Variants in MCC observed in about 807,000 individuals in gnomAD.
The protein encoded by MCC is MCC regulator of Wnt signaling pathway, also known as colorectal mutant cancer protein.
In MCC, 90 loss-of-function variants were observed where a neutral mutation model predicts 116.2. The observed-to-expected ratio is 0.77, with a 90% CI of 0.65 to 0.92. The LOEUF is 0.92. MCC is among the 40% of genes least tolerant of loss of function. The probability of loss-of-function intolerance (pLI) is 0.00; values close to 1 mark genes in which losing one functional copy is unlikely to be tolerated. For synonymous variants in MCC, 578 were observed against 510.5 expected (o/e 1.13, Z -1.78); for missense variants, 1,516 against 1,312.2 (o/e 1.16, Z -2.40).
rs559390686 is a variant in MCC at position 113,172,826 on chromosome 5, C to A, written c.628-21404G>T. Among the ~76,000 whole-genome samples, 12 of 152,244 alleles carry A rather than the reference C, an allele frequency of 7.9e-5. No homozygotes were observed. The South Asian group carries it at 2.3e-3, about 29-fold the overall frequency. On this transcript the variant is annotated intron_variant, in intron 3 of 18. Coordinates refer to ENST00000408903, the MANE Select transcript of MCC (RefSeq NM_001085377.2). ...AAAGCTATTGCAATATATATTTCTCCCAGCTGTATCTATTTCACTTTACTC... is the reference window on the plus strand; with the variant it reads ...AAAGCTATTGCAATATATATTTCTCACAGCTGTATCTATTTCACTTTACTC...
chr5:113,329,486 A>ATG (rs557192444), intron 3 of MCC, among the ~76,000 whole-genome samples: 661 of 136,074 alleles, frequency 4.9e-3, no homozygotes, highest in Non-Finnish European at 8.1e-3. Context: ...GTATACACAC[A>ATG]CATATATAAA....
intron 4 of MCC, among the ~76,000 whole-genome samples, chr5:113,150,359 A>T (rs1759779620): frequency 6.6e-6 from 1 of 152,216 alleles, no homozygotes; most frequent in South Asian, 2.1e-4. Context: ...ATACAAAGTT[A>T]TACAAAACAA....
intron 4 of MCC, 124 bp downstream of exon 4, chr5:113,151,185 C>G (rs959673319): frequency 1.6e-6 from 1 of 645,076 alleles, no homozygotes; most frequent in Non-Finnish European, 2.7e-6. Flanking sequence ...CAGACCAAGA[C>G]AGAGTATTTG....
At chr5:113,254,130 C>T (rs757094019) in intron 3 of MCC, among the ~76,000 whole-genome samples, 9 of 152,042 alleles carry the variant, frequency 5.9e-5, no homozygotes, top group South Asian at 2.1e-4. Flanking sequence ...ATCAAAGGTA[C>T]GAGGGTCAGT....
intron 3 of MCC, among the ~76,000 whole-genome samples, chr5:113,199,954 C>T (rs1488252659): frequency 2.0e-5 from 3 of 152,034 alleles, no homozygotes; most frequent in East Asian, 1.9e-4. Context: ...CCAAGCAACA[C>T]ATATGGGTAT....
rs556585719 is a variant in MCC, at chr5:113,095,718, C to G, written c.1398+6021G>C. The stretch of plus-strand genomic sequence containing the variant: ...AAAAAAAATTTTTTTTTTGGTAGAA[C>G]AGAGGTCTTGCTATGTTACCCAGGC... On this transcript the variant is annotated intron_variant, in intron 8 of 18. Transcript: ENST00000408903. 7.3e-5 allele frequency among the ~76,000 whole-genome samples: 11 copies of G among 151,624 alleles called. No homozygotes were observed. In the South Asian group the frequency reaches 2.1e-3, roughly 29 times the overall value.
intron 3 of MCC, among the ~76,000 whole-genome samples, chr5:113,257,216 G>A (rs1351153665): frequency 2.6e-5 from 4 of 152,114 alleles, no homozygotes; most frequent in African/African-American, 9.7e-5. Context: ...TACCACTTCT[G>A]GTCATCCTGG....
chr5:113,237,506 C>A (rs775978917), intron 3 of MCC, among the ~76,000 whole-genome samples: 4 of 152,076 alleles, frequency 2.6e-5, no homozygotes, highest in Non-Finnish European at 5.9e-5. Flanking sequence ...AGAATTGGTG[C>A]CTCTGGGATT....
At chr5:113,195,455 G>C (rs1032827895) in intron 3 of MCC, among the ~76,000 whole-genome samples, 1 of 151,660 alleles carries the variant, frequency 6.6e-6, no homozygotes, top group Non-Finnish European at 1.5e-5. Flanking sequence ...TCATCTCTTC[G>C]TATGACAGGC....
intron 3 of MCC, among the ~76,000 whole-genome samples, chr5:113,290,113 T>C (rs1766425161): frequency 6.6e-6 from 1 of 152,244 alleles, no homozygotes; most frequent in Non-Finnish European, 1.5e-5. Flanking sequence ...ACAACTTTCT[T>C]CTATACAATT....
intron 5 of MCC, among the ~76,000 whole-genome samples, chr5:113,132,455 C>T (rs796750199): frequency 0.79 from 105,296 of 132,594 alleles, 43,316 homozygotes; most frequent in South Asian, 0.9. Context: ...CACACACACA[C>T]ACACACACAC....
chr5:113,276,962 G>T (rs990958024), intron 3 of MCC, among the ~76,000 whole-genome samples: 18 of 151,800 alleles, frequency 1.2e-4, no homozygotes, highest in African/African-American at 4.1e-4. Flanking sequence ...TTTTTAAAAA[G>T]AAGCTATATC....
chr5:113,472,917 T>C (rs1328573049), intron 1 of MCC, among the ~76,000 whole-genome samples: 1 of 152,184 alleles, frequency 6.6e-6, no homozygotes, highest in Admixed American at 6.5e-5. Context: ...AAGGTAGTAT[T>C]AAACTATTGG....
intron 3 of MCC, among the ~76,000 whole-genome samples, chr5:113,209,708 C>CA (rs1189168409): frequency 1.3e-5 from 2 of 152,164 alleles, no homozygotes; most frequent in African/African-American, 4.8e-5. Context: ...GACTGCAGCT[C>CA]CTAGTGTCAG....
intron 1 of MCC, among the ~76,000 whole-genome samples, chr5:113,483,357 GA>G (rs1245033867): frequency 2.0e-5 from 3 of 152,130 alleles, no homozygotes; most frequent in African/African-American, 7.2e-5. Context: ...ATCAATTTGG[GA>G]AGTATTGCCA....
chr5:113,193,811 G>T (rs1428699968), intron 3 of MCC, among the ~76,000 whole-genome samples: 2 of 152,002 alleles, frequency 1.3e-5, no homozygotes, highest in Non-Finnish European at 2.9e-5. Context: ...AGTCCAGCTG[G>T]GATTTACTTT....
At position 113,272,406 on chromosome 5, in the gene MCC, T is replaced by G. The variant is rs561910666; in HGVS notation, c.627+68113A>C. On this transcript the variant is annotated intron_variant, in intron 3 of 18. Transcript: ENST00000408903. Reference sequence around the variant, plus strand: ...GAGGAGCCTGCAAGTATAATCAGGTTGATAGGCTCTCCTTTAATTCTTCTC... The same window carrying G: ...GAGGAGCCTGCAAGTATAATCAGGTGGATAGGCTCTCCTTTAATTCTTCTC... 2.6e-5 allele frequency among the ~76,000 whole-genome samples: 4 copies of G among 152,338 alleles called. No individual in the cohort carries two copies. The South Asian group carries it at 8.3e-4, about 32-fold the overall frequency.
intron 5 of MCC, among the ~76,000 whole-genome samples, chr5:113,141,825 G>A (rs1396225219): frequency 3.3e-5 from 5 of 152,180 alleles, no homozygotes; most frequent in African/African-American, 9.7e-5. Context: ...TCTAGGTGAT[G>A]TGTATTTTTT....
At chr5:113,417,872 A>G (rs1309451755) in intron 1 of MCC, among the ~76,000 whole-genome samples, 3 of 152,042 alleles carry the variant, frequency 2.0e-5, no homozygotes, top group Non-Finnish European at 4.4e-5. Flanking sequence ...GATCAAGGCT[A>G]CAGTGAGCTG....
Sources: allele counts gnomAD v4.1 joint callset (sites outside exome capture counted in the v4.1 genomes callset), GRCh38; gene constraint gnomAD v4.1.1; transcripts MANE v1.5; gene names NCBI Gene and HGNC (gene_info 2026-07-23, HGNC 2026-07-21).